Variants in PRKDC observed in about 807,000 individuals in gnomAD.
PRKDC encodes the protein protein kinase, DNA-activated, catalytic subunit.
PRKDC carries 82 observed loss-of-function variants against 486.9 expected under a neutral mutation model. The ratio of observed to expected loss-of-function variants is 0.17; its 90% CI spans 0.14 to 0.20. The LOEUF is 0.20. Among genes scored for constraint, PRKDC ranks in the 10% least tolerant of loss-of-function variants. The pLI is 1.00. For missense variants in PRKDC, 4,504 were observed against 5,038.2 expected (o/e 0.89, Z 3.21); for synonymous variants, 1,895 against 1,837.0 (o/e 1.03, Z -0.81).
At chr8:47,775,209 A>AATT (rs1563727333) in intron 85 of PRKDC, among the ~76,000 whole-genome samples, 6 of 149,684 alleles carry the variant, frequency 4.0e-5, no homozygotes, top group African/African-American at 1.5e-4. Context: ...ATAAATAAAT[A>AATT]AATAAATTAA....
rs368820910 is a variant in PRKDC at position 47,864,604 on chromosome 8, G to A, written c.5523C>T (p.Ser1841=). The part of the protein sequence containing the change: ...CSLDALREFF[S]TIVVDAIDVL... ...CATCAATGGCATCCACCACAATTGT[G>A]CTGAAGAATTCTCTCAAAGCATCCA... is the stretch of plus-strand genomic sequence containing the variant. Residue 1841 remains serine (S), a synonymous_variant, in exon 41 of 86, where the codon AGC becomes AGT. Transcript: ENST00000314191. 1.9e-5 allele frequency: 30 copies of A among 1,610,324 alleles called. No homozygotes were observed. The highest frequency in any genetic ancestry group is 2.5e-5 in the Non-Finnish European group (29 of 1,178,552).
At position 47,930,591 on chromosome 8, in the gene PRKDC, T is replaced by C; in HGVS notation, c.1892+81A>G. ...CCGGCCTATTATTTCATTTCTTACA[T>C]CTATATAAGGAATTTCCTATATTAC... On this transcript the variant is annotated intron_variant, in intron 17 of 85. Coordinates refer to ENST00000314191, the MANE Select transcript of PRKDC (RefSeq NM_006904.7). The C allele has an allele frequency of 2.2e-6, 3 of 1,363,508 alleles. No individual in the cohort carries two copies. In the South Asian group the frequency reaches 4.0e-5, roughly 18 times the overall value. The allele number at this position is 1,363,508 out of a possible 1,614,324, so 84.5% of individuals were successfully genotyped here.
At chr8:47,874,950 G>A (rs527724664) in intron 40 of PRKDC, among the ~76,000 whole-genome samples, 6 of 152,172 alleles carry the variant, frequency 3.9e-5, no homozygotes, top group African/African-American at 7.2e-5. Context: ...AGCTACTCAC[G>A]AGGCTGAAGT....
Position 47,820,703 on chromosome 8 carries a change from T to TAA in PRKDC, c.9336+14_9336+15dup. On this transcript the variant is annotated intron_variant, in intron 66 of 85. Transcript: ENST00000314191. ...CTATATATATACAAGCATATATATA[T>TAA]AATATATAGTATTACCTGCATAAAA... is the stretch of plus-strand genomic sequence containing the variant. 7.7e-7 allele frequency: 1 copy of TAA among 1,298,446 alleles called. No individual in the cohort carries two copies. Among genetic ancestry groups the TAA allele is most frequent in the Non-Finnish European group, 1.0e-6 (1 of 953,562 alleles). 80.4% of individuals were successfully genotyped at this position (1,298,446 alleles called of 1,614,324 possible).
chr8:47,882,905 T>C (rs1225847143), intron 36 of PRKDC, among the ~76,000 whole-genome samples: 1 of 152,250 alleles, frequency 6.6e-6, no homozygotes, highest in Non-Finnish European at 1.5e-5. Flanking sequence ...TCCCAAGTTA[T>C]GAAATTGCTG....
intron 54 of PRKDC, among the ~76,000 whole-genome samples, chr8:47,844,527 T>C (rs1259667450): frequency 6.6e-6 from 1 of 152,136 alleles, no homozygotes; most frequent in Non-Finnish European, 1.5e-5. Context: ...AACTCAACAC[T>C]TGAACAATCG....
chr8:47,782,753 A>G lies in PRKDC; in HGVS notation c.11176-155T>C. On this transcript the variant is annotated intron_variant, in intron 78 of 85. Transcript: ENST00000314191. This position sits in a 1 kb window ranked among gnomAD's most constrained non-coding sequence, Gnocchi z 4.9. ...CCCAGGCCAGCAACGAATTTCTGCTACCTGCTTGTGCCTGACTGCTGTGCC... is the reference window on the plus strand; with the variant it reads ...CCCAGGCCAGCAACGAATTTCTGCTGCCTGCTTGTGCCTGACTGCTGTGCC... 1.4e-6 allele frequency: 1 copy of G among 709,654 alleles called. No homozygotes were observed. The highest frequency in any genetic ancestry group is 2.3e-6 in the Non-Finnish European group (1 of 433,428). The allele number at this position is 709,654 out of a possible 1,614,324, so 44.0% of individuals were successfully genotyped here.
At chr8:47,871,375 A>G (rs977008107) in intron 40 of PRKDC, among the ~76,000 whole-genome samples, 3 of 152,206 alleles carry the variant, frequency 2.0e-5, no homozygotes, top group Non-Finnish European at 4.4e-5. Flanking sequence ...AGGAGTGCCA[A>G]TACATTTGGT....
At chr8:47,868,432 T>A (rs1332322207) in intron 40 of PRKDC, among the ~76,000 whole-genome samples, 4 of 149,360 alleles carry the variant, frequency 2.7e-5, no homozygotes, top group African/African-American at 9.8e-5. Context: ...AGGCTGGGCG[T>A]GATAGCATGC....
At chr8:47,946,885 A>G (rs1376664014) in intron 7 of PRKDC, among the ~76,000 whole-genome samples, 2 of 151,996 alleles carry the variant, frequency 1.3e-5, no homozygotes, top group African/African-American at 4.8e-5. Flanking sequence ...CAGTCTCTCA[A>G]TCCTACACTA....
intron 35 of PRKDC, 110 bp downstream of exon 35, chr8:47,887,437 G>A: frequency 1.0e-6 from 1 of 1,004,296 alleles, no homozygotes; most frequent in Non-Finnish European, 1.3e-6. Context: ...TACAATACTT[G>A]TCCAGCTAAA....
intron 27 of PRKDC, 82 bp from the exon 28 acceptor site, chr8:47,900,549 AAGGCACAC>A: frequency 7.8e-7 from 1 of 1,280,632 alleles, no homozygotes; most frequent in Non-Finnish European, 1.1e-6. Flanking sequence ...GGAATTAAAG[AAGGCACAC>A]ATTAATTAAA....
At chr8:47,885,846 C>A (rs563561444) in intron 36 of PRKDC, 98 bp downstream of exon 36, 21 of 1,164,404 alleles carry the variant, frequency 1.8e-5, no homozygotes, top group Non-Finnish European at 2.5e-5. Flanking sequence ...CAGCAGAGAT[C>A]GTGCCACTGC....
At chr8:47,801,763 A>T (rs2087113399) in intron 70 of PRKDC, among the ~76,000 whole-genome samples, 1 of 152,164 alleles carries the variant, frequency 6.6e-6, no homozygotes. Flanking sequence ...AAGTAACTGA[A>T]CCAGCGCTGG....
rs935770695 is a variant in PRKDC, at chr8:47,800,336, T to A, written c.10116+457A>T. 1.3e-5 allele frequency among the ~76,000 whole-genome samples: 2 copies of A among 152,088 alleles called. 1 individual carries two copies. Among genetic ancestry groups the A allele is most frequent in the Non-Finnish European group, 2.9e-5 (2 of 68,040 alleles). The stretch of plus-strand genomic sequence containing the variant: ...ACATGGATGAAATTGGAAATCATCA[T>A]TCTCAGTAAACTATCGCAAGGACAA... On this transcript the variant is annotated intron_variant, in intron 71 of 85. Coordinates refer to ENST00000314191, the MANE Select transcript of PRKDC (RefSeq NM_006904.7).
Position 47,799,303 on chromosome 8 carries a change from T to C in PRKDC, c.10204A>G (p.Ser3402Gly), listed in dbSNP as rs376172834. ...AEEEAQPPSW[S>G]CGPAAGVIDA... Reference sequence around the variant, plus strand: ...ATCACCCCAGCTGCAGGCCCACAGCTCCAGGAGGGAGGCTGGGCCTCCTCC... The same window carrying C: ...ATCACCCCAGCTGCAGGCCCACAGCCCCAGGAGGGAGGCTGGGCCTCCTCC... Residue 3402 changes from serine to glycine, a missense_variant, in exon 72 of 86, where the codon AGC becomes GGC. Transcript: ENST00000314191. 1 of 1,613,502 alleles carries C rather than the reference T, an allele frequency of 6.2e-7. No homozygotes were observed. The highest frequency in any genetic ancestry group is 8.5e-7 in the Non-Finnish European group (1 of 1,179,856).
chr8:47,865,113 C>T (rs995928825), intron 40 of PRKDC, among the ~76,000 whole-genome samples: 42 of 152,274 alleles, frequency 2.8e-4, no homozygotes, highest in African/African-American at 9.1e-4. Context: ...GTTGGCTGGG[C>T]GTGGTGGCTC....
At chr8:47,952,509 G>A (rs1445759463) in intron 7 of PRKDC, among the ~76,000 whole-genome samples, 1 of 152,148 alleles carries the variant, frequency 6.6e-6, no homozygotes, top group Non-Finnish European at 1.5e-5. Flanking sequence ...GGACCCTTGT[G>A]CTAATCAATC....
At chr8:47,805,477 G>C (rs1334260875) in intron 69 of PRKDC, among the ~76,000 whole-genome samples, 3 of 152,090 alleles carry the variant, frequency 2.0e-5, no homozygotes, top group African/African-American at 4.8e-5. Flanking sequence ...TCTTAATTGG[G>C]TTGTTTGACT....
Sources: allele counts gnomAD v4.1 joint callset (sites outside exome capture counted in the v4.1 genomes callset), GRCh38; gene constraint gnomAD v4.1.1; non-coding constraint Gnocchi (gnomAD v3.1); transcripts MANE v1.5; gene names NCBI Gene and HGNC (gene_info 2026-07-23, HGNC 2026-07-21).